CDK15: variants seen among roughly 807,000 people sequenced by gnomAD.
The protein encoded by CDK15 is cyclin-dependent kinase 15.
A neutral mutation model predicts 60.3 loss-of-function variants in CDK15; 62 were observed. The observed-to-expected ratio is 1.03, with a 90% CI of 0.84 to 1.27. The LOEUF (loss-of-function observed/expected upper bound fraction) is 1.27, where lower values mean the gene tolerates loss of function less well. Ranked by LOEUF, CDK15 falls within the 50% of genes most tolerant of loss-of-function variation. The pLI, the probability that CDK15 is intolerant of heterozygous loss-of-function variation, is 0.00. For missense variants in CDK15, 541 were observed against 527.8 expected (o/e 1.03, Z -0.25); for synonymous variants, 194 against 195.7 (o/e 0.99, Z 0.07).
chr2:201,842,015 C>T (rs1029573177), intron 8 of CDK15, among the ~76,000 whole-genome samples: 9 of 152,196 alleles, frequency 5.9e-5, no homozygotes, highest in South Asian at 2.1e-4. Context: ...CCATTCATCA[C>T]GATTTTCAGG....
At chr2:201,845,845 AAG>A (rs71407901) in intron 8 of CDK15, among the ~76,000 whole-genome samples, 3,654 of 92,026 alleles carry the variant, frequency 0.04, 45 homozygotes, top group South Asian at 0.095. Context: ...AAAAAAAAAA[AAG>A]AGAGAGAGAG....
intron 10 of CDK15, among the ~76,000 whole-genome samples, chr2:201,871,500 A>T (rs1007729299): frequency 2.7e-5 from 4 of 150,740 alleles, no homozygotes; most frequent in African/African-American, 9.8e-5. Context: ...AGACTGCCTC[A>T]TTATTCATCA....
intron 8 of CDK15, among the ~76,000 whole-genome samples, chr2:201,842,241 C>T (rs1697424992): frequency 6.6e-6 from 1 of 152,216 alleles, no homozygotes; most frequent in African/African-American, 2.4e-5. Context: ...TGGAATCCTA[C>T]AATACCTCTT....
At chr2:201,864,734 G>C (rs1443452033) in intron 10 of CDK15, among the ~76,000 whole-genome samples, 2 of 152,194 alleles carry the variant, frequency 1.3e-5, no homozygotes, top group African/African-American at 4.8e-5. Context: ...AAACAGAAGG[G>C]GGAAGGAACA....
intron 10 of CDK15, among the ~76,000 whole-genome samples, chr2:201,867,820 G>T (rs1258216400): frequency 6.6e-6 from 1 of 152,118 alleles, no homozygotes; most frequent in Admixed American, 6.5e-5. Context: ...AAAGGAATAA[G>T]ATTAACACTT....
chr2:201,888,517 A>G, intron 12 of CDK15: 1 of 1,529,716 alleles, frequency 6.5e-7, no homozygotes, highest in Non-Finnish European at 8.7e-7. Context: ...AGGAGTCACC[A>G]GAGTGGAAGG....
At chr2:201,838,573 T>TA (rs532674798) in intron 8 of CDK15, among the ~76,000 whole-genome samples, 190 of 142,672 alleles carry the variant, frequency 1.3e-3, no homozygotes, top group Middle Eastern at 3.5e-3. Context: ...CCTGGCTAAT[T>TA]AAAAAAAAAA....
At chr2:201,820,136 T>C (rs190957640) in intron 4 of CDK15, among the ~76,000 whole-genome samples, 1 of 152,300 alleles carries the variant, frequency 6.6e-6, no homozygotes, top group East Asian at 1.9e-4. Flanking sequence ...TTCTTAGCAA[T>C]TTCAGCTTTA....
At chr2:201,828,450 T>A (rs1696606163) in intron 6 of CDK15, among the ~76,000 whole-genome samples, 1 of 151,700 alleles carries the variant, frequency 6.6e-6, no homozygotes, top group Non-Finnish European at 1.5e-5. Flanking sequence ...GAAAAAAAAA[T>A]ACACACTGTC....
Position 201,872,298 on chromosome 2 carries a change from C to T in CDK15, c.1030C>T (p.Pro344Ser). 6.2e-7 allele frequency: 1 copy of T among 1,614,070 alleles called. No homozygotes were observed. The change falls in exon 11 of 14, where the codon CCT (proline) becomes TCT (serine). Residue 344 changes from proline (P) to serine (S), a missense_variant. Physicochemically the swap from Pro to Ser is moderately conservative, Grantham distance 74. Coordinates refer to ENST00000652192, the MANE Select transcript of CDK15 (RefSeq NM_001366386.2). ...YNPEWFPLPT[P>S]RSLHVVWNRL... is the part of the protein sequence containing the mutation. ...CCCAGAATGGTTCCCACTGCCTACG[C>T]CTCGAAGCCTTCATGTTGTCTGGAA...
intron 13 of CDK15, among the ~76,000 whole-genome samples, chr2:201,892,727 A>G (rs1699676623): frequency 6.6e-6 from 1 of 152,244 alleles, no homozygotes; most frequent in African/African-American, 2.4e-5. Context: ...CTAGAGTGCT[A>G]GAGTTAGAGA....
At chr2:201,852,185 A>G (rs1398362246) in intron 9 of CDK15, among the ~76,000 whole-genome samples, 1 of 152,228 alleles carries the variant, frequency 6.6e-6, no homozygotes, top group Non-Finnish European at 1.5e-5. Flanking sequence ...AAAATTATAC[A>G]GATTATAAAT....
chr2:201,873,477 C>A lies in CDK15; in HGVS notation c.1058+1151C>A, dbSNP rs79747919. Among the ~76,000 whole-genome samples the A allele has an allele frequency of 2.6e-3, 403 of 152,254 alleles. 3 individuals are homozygous for A. The highest frequency in any genetic ancestry group is 8.9e-3 in the African/African-American group (370 of 41,546). ...TTTCTTTCATGTCACTATCAGCTTCCAAAGTAAATGGCAACTCTCAACCTG... is the reference window on the plus strand; with the variant it reads ...TTTCTTTCATGTCACTATCAGCTTCAAAAGTAAATGGCAACTCTCAACCTG... On this transcript the variant is annotated intron_variant, in intron 11 of 13. Transcript: ENST00000652192.
chr2:201,817,028 T>C (rs1266521846), intron 4 of CDK15, among the ~76,000 whole-genome samples: 1 of 152,244 alleles, frequency 6.6e-6, no homozygotes, highest in East Asian at 1.9e-4. Context: ...GTGGCAGCCC[T>C]GCTCTGCAAG....
chr2:201,863,127 C>T (rs1434898837), intron 10 of CDK15, among the ~76,000 whole-genome samples: 2 of 152,124 alleles, frequency 1.3e-5, no homozygotes, highest in East Asian at 1.9e-4. Context: ...TTTATTAACC[C>T]GTCCCCCAAA....
intron 11 of CDK15, among the ~76,000 whole-genome samples, chr2:201,878,209 C>T (rs1239223218): frequency 1.3e-5 from 2 of 152,132 alleles, no homozygotes; most frequent in Admixed American, 6.5e-5. Context: ...GTTGGGTGTA[C>T]ATAAATGATT....
chr2:201,868,132 A>G (rs1260384704), intron 10 of CDK15, among the ~76,000 whole-genome samples: 2 of 152,312 alleles, frequency 1.3e-5, no homozygotes, highest in South Asian at 2.1e-4. Context: ...AGTAGAAGAC[A>G]TTTAGAGGAG....
intron 12 of CDK15, chr2:201,888,853 A>G (rs1455461981): frequency 6.6e-6 from 7 of 1,063,274 alleles, no homozygotes; most frequent in African/African-American, 1.7e-5. Context: ...AGTTCCCCAA[A>G]TGGTTTGGAT....
At chr2:201,832,048 A>AT (rs60328652) in intron 6 of CDK15, among the ~76,000 whole-genome samples, 31,222 of 142,500 alleles carry the variant, frequency 0.22, 3,453 homozygotes, top group East Asian at 0.39. Flanking sequence ...ATTGAAAAAC[A>AT]TTTTTTTTTT....
Sources: allele counts gnomAD v4.1 joint callset (sites outside exome capture counted in the v4.1 genomes callset), GRCh38; gene constraint gnomAD v4.1.1; transcripts MANE v1.5; gene names NCBI Gene and HGNC (gene_info 2026-07-23, HGNC 2026-07-21).